The following ABITRAM variants were observed in gnomAD, a reference collection of about 807,000 sequenced individuals.
The protein encoded by ABITRAM is actin binding transcription modulator.
A neutral mutation model predicts 22.9 loss-of-function variants in ABITRAM; 19 were observed. The ratio of observed to expected loss-of-function variants is 0.83; its 90% CI spans 0.58 to 1.22. The LOEUF (loss-of-function observed/expected upper bound fraction) is 1.22. ABITRAM is among the 50% of genes most tolerant of loss of function. ABITRAM has a pLI of 0.00. For synonymous variants in ABITRAM, 70 were observed against 73.9 expected, an observed-to-expected ratio of 0.95 and a Z score of 0.27; for missense variants, 215 against 220.2, an observed-to-expected ratio of 0.98 and a Z score of 0.15.
Position 108,948,091 on chromosome 9 carries a change from A to G in ABITRAM, c.262-2416A>G, listed in dbSNP as rs1444301020. The G allele has an allele frequency of 3.7e-6, 5 of 1,359,422 alleles. No individual in the cohort carries two copies. In the African/African-American group the frequency reaches 7.2e-5, roughly 20 times the overall value. The allele number at this position is 1,359,422 out of a possible 1,614,324, so 84.2% of individuals were successfully genotyped here. On this transcript the variant is annotated intron_variant, in intron 3 of 3. Coordinates refer to the ABITRAM transcript ENST00000374624. ...TACACAGGTAGGTACAGATGTAAGC[A>G]TATACACATGATATAATAAATCATC...
At chr9:108,950,479 T>TC in intron 3 of ABITRAM, 1 of 1,545,570 alleles carries the variant, frequency 6.5e-7, no homozygotes, top group Non-Finnish European at 8.7e-7. Context: ...AATTTCTAAC[T>TC]CCTATCATTT....
At chr9:108,937,837 A>T (rs550227943) in intron 3 of ABITRAM, among the ~76,000 whole-genome samples, 75 of 150,668 alleles carry the variant, frequency 5.0e-4, no homozygotes, top group African/African-American at 1.7e-3. Context: ...AAAAAAAAAA[A>T]TTTTTTTTTA....
intron 3 of ABITRAM, among the ~76,000 whole-genome samples, chr9:108,936,900 CG>C (rs1830195845): frequency 6.6e-6 from 1 of 151,698 alleles, no homozygotes; most frequent in Admixed American, 6.6e-5. Flanking sequence ...CAATGGCTCA[CG>C]CCTATAATCT....
intron 1 of ABITRAM, among the ~76,000 whole-genome samples, chr9:108,935,155 T>C (rs1273733261): frequency 6.6e-6 from 1 of 152,190 alleles, no homozygotes; most frequent in African/African-American, 2.4e-5. Flanking sequence ...TCAGTGATAA[T>C]GGTTATACTC....
rs1388687039 is a variant in ABITRAM at position 108,936,382 on chromosome 9, A to G, written c.206A>G (p.Gln69Arg). 1.2e-6 allele frequency: 2 copies of G among 1,614,050 alleles called. No individual in the cohort carries two copies. The highest frequency in any genetic ancestry group is 1.3e-5 in the African/African-American group (1 of 75,054). The stretch of plus-strand genomic sequence containing the variant: ...AAAACAATTAAAAGCATTTCCTATC[A>G]GATCAGTACCAACTGTAGCAGACTT... ...SGKTIKSISY[Q>R]ISTNCSRLQN... The change falls in exon 3 of 6, where the codon CAG (glutamine) becomes CGG (arginine). Residue 69 changes from glutamine (Q) to arginine (R), a missense_variant. Physicochemically the swap from Gln to Arg is conservative, Grantham distance 43. Transcript: ENST00000322940.
downstream of ABITRAM, chr9:108,943,956 T>C (rs1330206795): frequency 1.5e-5 from 25 of 1,613,076 alleles, no homozygotes; most frequent in Non-Finnish European, 2.0e-5. Flanking sequence ...GGTAGACATG[T>C]GTTACCTGTT....
intron 1 of ABITRAM, among the ~76,000 whole-genome samples, chr9:108,934,865 A>T (rs986072208): frequency 6.6e-6 from 1 of 152,164 alleles, no homozygotes; most frequent in Non-Finnish European, 1.5e-5. Flanking sequence ...CTAGGTTGCA[A>T]CAGTCCTTAA....
At chr9:108,939,314 G>T in intron 4 of ABITRAM, 42 bp downstream of exon 4, 2 of 1,593,088 alleles carry the variant, frequency 1.3e-6, no homozygotes, top group Non-Finnish European at 1.7e-6. Flanking sequence ...CCAAAGGGAG[G>T]TAATTTTTTT....
chr9:108,935,584 A>T (rs1037606167), intron 1 of ABITRAM, 54 bp from the exon 2 acceptor site: 1 of 1,336,844 alleles, frequency 7.5e-7, no homozygotes, highest in East Asian at 2.3e-5. Flanking sequence ...AAAGTACCAC[A>T]TAGTGGTAGT....
At chr9:108,950,543 A>G (rs756146077) in exon 4 of ABITRAM, 88 of 1,550,342 alleles carry the variant, frequency 5.7e-5, no homozygotes, top group Non-Finnish European at 7.4e-5. Flanking sequence ...AGACGTCATC[A>G]AGAGGAAAAT....
exon 4 of ABITRAM, chr9:108,950,529 T>G: frequency 6.4e-7 from 1 of 1,550,424 alleles, no homozygotes; most frequent in Non-Finnish European, 8.7e-7. Flanking sequence ...CTAGAAAAGG[T>G]AGAAGACGTC....
At chr9:108,943,879 CACATTTAT>C, downstream of ABITRAM, 2 of 1,598,590 alleles carry the variant, frequency 1.3e-6, no homozygotes, top group Non-Finnish European at 1.7e-6. Context: ...ATACCTTAAA[CACATTTAT>C]ACATTGATAT....
In ABITRAM at chr9:108,939,255, A is replaced by C; in HGVS notation, c.321A>C (p.Glu107Asp). ...PLCKIYCSDGEEYTVSSCVRG... is the reference protein window; with the variant it reads ...PLCKIYCSDGDEYTVSSCVRG... ...GTAAGATTTACTGCTCAGATGGTGAAGAATATACTGTGTCTAGGTGAGTAA... is the reference window on the plus strand; with the variant it reads ...GTAAGATTTACTGCTCAGATGGTGACGAATATACTGTGTCTAGGTGAGTAA... Residue 107 changes from glutamate (E) to aspartate (D), a missense_variant, in exon 4 of 6, where the codon GAA becomes GAC. Transcript: ENST00000322940. The C allele has an allele frequency of 6.2e-7, 1 of 1,613,996 alleles. No individual in the cohort carries two copies. Among genetic ancestry groups the C allele is most frequent in the Non-Finnish European group, 8.5e-7 (1 of 1,179,934 alleles).
chr9:108,939,733 C>A lies in ABITRAM; in HGVS notation c.*47C>A. On this transcript the variant is annotated 3_prime_UTR_variant, in exon 6 of 6. Transcript: ENST00000322940. ...CAAAGTGGGATTCTTGTTACCTGGC[C>A]TAAACCATCAGGGTACTAAAGGAGA... 1 of 1,604,470 alleles carries A rather than the reference C, an allele frequency of 6.2e-7. No individual in the cohort carries two copies. The highest frequency in any genetic ancestry group is 8.5e-7 in the Non-Finnish European group (1 of 1,175,048).
At chr9:108,934,671 C>G in intron 1 of ABITRAM, 106 bp downstream of exon 1, 1 of 1,089,838 alleles carries the variant, frequency 9.2e-7, no homozygotes, top group East Asian at 3.0e-5. Context: ...GCTCTCCGTC[C>G]CCACGTCAGA....
chr9:108,947,123 T>A (rs2132082141), intron 3 of ABITRAM, among the ~76,000 whole-genome samples: 1 of 150,972 alleles, frequency 6.6e-6, no homozygotes, highest in South Asian at 2.1e-4. Context: ...TTCTTTTTTT[T>A]TTTTTTTTGA....
At chr9:108,939,068 T>A in intron 3 of ABITRAM, 128 bp from the exon 4 acceptor site, 1 of 731,064 alleles carries the variant, frequency 1.4e-6, no homozygotes, top group Non-Finnish European at 2.3e-6. Flanking sequence ...GAATGGTTTT[T>A]ATATACTGAA....
At chr9:108,943,960 A>G (rs1367424328), downstream of ABITRAM, 1 of 1,613,248 alleles carries the variant, frequency 6.2e-7, no homozygotes, top group Non-Finnish European at 8.5e-7. Context: ...GACATGTGTT[A>G]CCTGTTTTGA....
At chr9:108,946,978 C>T (rs1024348789) in intron 3 of ABITRAM, among the ~76,000 whole-genome samples, 3 of 152,096 alleles carry the variant, frequency 2.0e-5, no homozygotes, top group African/African-American at 4.8e-5. Context: ...TTATAGTCTG[C>T]TTTACAGAAA....
Sources: allele counts gnomAD v4.1 joint callset (sites outside exome capture counted in the v4.1 genomes callset), GRCh38; gene constraint gnomAD v4.1.1; transcripts MANE v1.5; gene names NCBI Gene and HGNC (gene_info 2026-07-23, HGNC 2026-07-21).